TSPAN18: variants seen among roughly 807,000 people sequenced by gnomAD.
TSPAN18 encodes the protein tetraspanin-18.
In TSPAN18, 14 loss-of-function variants were observed where a neutral mutation model predicts 27.3. That is an observed-to-expected ratio of 0.51 (90% CI 0.34 to 0.80). The LOEUF is 0.80. TSPAN18 is among the 30% of genes least tolerant of loss of function. The probability of loss-of-function intolerance (pLI) is 0.01; values close to 1 mark genes in which losing one functional copy is unlikely to be tolerated. For missense variants in TSPAN18, 268 were observed against 323.9 expected (o/e 0.83, Z 1.32); for synonymous variants, 143 against 136.5 (o/e 1.05, Z -0.33).
At chr11:44,773,966 C>T (rs986692820) in intron 2 of TSPAN18, among the ~76,000 whole-genome samples, 9 of 152,294 alleles carry the variant, frequency 5.9e-5, no homozygotes, top group South Asian at 2.1e-4. Context: ...GCCTCCCTCC[C>T]GGTCCTGTGC....
intron 1 of TSPAN18, among the ~76,000 whole-genome samples, chr11:44,738,960 C>T (rs1209233231): frequency 6.6e-6 from 1 of 152,204 alleles, no homozygotes; most frequent in Non-Finnish European, 1.5e-5. Flanking sequence ...GGAGCCTGCA[C>T]TCCACCGCCA....
chr11:44,787,007 C>A (rs1034864606), intron 2 of TSPAN18, among the ~76,000 whole-genome samples: 2 of 152,074 alleles, frequency 1.3e-5, no homozygotes, highest in Non-Finnish European at 2.9e-5. Flanking sequence ...AGGCAAACTG[C>A]TCTGACTATT....
intron 2 of TSPAN18, among the ~76,000 whole-genome samples, chr11:44,828,414 C>T (rs972091591): frequency 6.6e-6 from 1 of 152,056 alleles, no homozygotes; most frequent in Non-Finnish European, 1.5e-5. Flanking sequence ...AATTCTGATT[C>T]GTCTAGAATG....
At chr11:44,814,817 G>T (rs1260580148) in intron 2 of TSPAN18, among the ~76,000 whole-genome samples, 1 of 152,168 alleles carries the variant, frequency 6.6e-6, no homozygotes, top group Non-Finnish European at 1.5e-5. Context: ...GATAGAGCAG[G>T]CTGCTAAAAC....
chr11:44,730,079 A>G (rs374769795), intron 1 of TSPAN18, among the ~76,000 whole-genome samples: 9 of 152,104 alleles, frequency 5.9e-5, no homozygotes, highest in African/African-American at 1.7e-4. Flanking sequence ...TCTGCCTTCC[A>G]TTCAGTGGAA....
At chr11:44,846,364 G>A (rs1200198692) in intron 2 of TSPAN18, among the ~76,000 whole-genome samples, 1 of 152,192 alleles carries the variant, frequency 6.6e-6, no homozygotes, top group East Asian at 1.9e-4. Flanking sequence ...AATGAACGTG[G>A]CTGTACCTTC....
intron 2 of TSPAN18, among the ~76,000 whole-genome samples, chr11:44,807,370 A>G (rs1856620166): frequency 6.7e-6 from 1 of 149,342 alleles, no homozygotes; most frequent in Non-Finnish European, 1.5e-5. Flanking sequence ...CTCTACTAAA[A>G]ATACAAAATT....
intron 1 of TSPAN18, among the ~76,000 whole-genome samples, chr11:44,755,586 C>T (rs1042965996): frequency 6.6e-6 from 1 of 152,110 alleles, no homozygotes; most frequent in Non-Finnish European, 1.5e-5. Flanking sequence ...TGGCTCTCCT[C>T]CCTCTCCCCT....
chr11:44,727,854 G>A (rs946377720), intron 1 of TSPAN18, among the ~76,000 whole-genome samples: 30 of 152,324 alleles, frequency 2.0e-4, no homozygotes, highest in African/African-American at 5.8e-4. Context: ...AGGTGTGTGC[G>A]GTTTGGGGAA....
chr11:44,731,146 G>T (rs4293105), intron 1 of TSPAN18, among the ~76,000 whole-genome samples: 1 of 152,050 alleles, frequency 6.6e-6, no homozygotes, highest in African/African-American at 2.4e-5. Context: ...CAACAGGATG[G>T]AGCAGAAAGG....
At chr11:44,856,008 G>A (rs1026847534) in intron 2 of TSPAN18, among the ~76,000 whole-genome samples, 18 of 151,662 alleles carry the variant, frequency 1.2e-4, no homozygotes, top group African/African-American at 4.1e-4. Context: ...TCAGCCTCCC[G>A]AGTAGCTGGG....
upstream of TSPAN18, chr11:44,726,483 G>T (rs1396921421): frequency 6.6e-6 from 1 of 152,270 alleles, no homozygotes; most frequent in African/African-American, 2.4e-5. Flanking sequence ...CTGCAAGTCA[G>T]AGGAGGGTGA....
chr11:44,882,617 CACACACACACAG>C (rs1373236004), intron 3 of TSPAN18, among the ~76,000 whole-genome samples: 30 of 121,976 alleles, frequency 2.5e-4, no homozygotes, highest in African/African-American at 7.8e-4. Flanking sequence ...CACACACACA[CACACACACACAG>C]AGAGAGAGCA....
chr11:44,921,411 G>A (rs1289264237), intron 8 of TSPAN18, among the ~76,000 whole-genome samples: 1 of 152,152 alleles, frequency 6.6e-6, no homozygotes, highest in African/African-American at 2.4e-5. Flanking sequence ...TCTTGGGAAG[G>A]GAATGGTTAT....
At chr11:44,799,854 G>A (rs551034974) in intron 2 of TSPAN18, among the ~76,000 whole-genome samples, 84 of 152,026 alleles carry the variant, frequency 5.5e-4, no homozygotes, top group African/African-American at 1.8e-3. Context: ...TTATTGAGAC[G>A]GAGTCTCGTT....
rs920900157 is a variant in TSPAN18 at position 44,776,552 on chromosome 11, A to C, written c.-153+12040A>C. 2.6e-5 allele frequency among the ~76,000 whole-genome samples: 4 copies of C among 152,296 alleles called. No individual in the cohort carries two copies. In the East Asian group the frequency reaches 5.8e-4, roughly 22 times the overall value. The stretch of plus-strand genomic sequence containing the variant: ...AGCACCTCTCCTGAAGAAGAAATCA[A>C]CATACCAGTGCTGGGACCCTGTGTC... On this transcript the variant is annotated intron_variant, in intron 2 of 9. Transcript: ENST00000520358.
intron 1 of TSPAN18, among the ~76,000 whole-genome samples, chr11:44,756,721 T>C (rs558790532): frequency 1.1e-4 from 17 of 152,340 alleles, no homozygotes; most frequent in African/African-American, 4.1e-4. Context: ...TCAAGGTTCA[T>C]CTATGTTGCA....
At chr11:44,922,603 T>TA (rs1860185656) in intron 8 of TSPAN18, among the ~76,000 whole-genome samples, 2 of 152,160 alleles carry the variant, frequency 1.3e-5, no homozygotes, top group Non-Finnish European at 2.9e-5. Context: ...AGGGGGCTTT[T>TA]ATACTGGTGC....
chr11:44,833,079 A>G (rs1455347682), intron 2 of TSPAN18, among the ~76,000 whole-genome samples: 3 of 148,676 alleles, frequency 2.0e-5, no homozygotes, highest in Non-Finnish European at 4.5e-5. Context: ...TCACTGCTCC[A>G]TAGAAACACT....
Sources: gnomAD v4.1 joint callset for allele counts (sites outside exome capture counted in the v4.1 genomes callset) on GRCh38, gnomAD v4.1.1 for gene constraint, MANE v1.5 for transcripts, NCBI Gene and HGNC (gene_info 2026-07-23, HGNC 2026-07-21) for gene names.